The following KALRN variants were observed in gnomAD, a reference collection of about 807,000 sequenced individuals.
The protein encoded by KALRN is kalirin RhoGEF kinase.
In KALRN, 70 loss-of-function variants were observed where a neutral mutation model predicts 353.7. That is an observed-to-expected ratio of 0.20 (90% CI 0.16 to 0.24). KALRN has a LOEUF of 0.24. Ranked by LOEUF, KALRN falls within the 10% of genes least tolerant of loss-of-function variation. KALRN has a pLI of 1.00. For missense variants in KALRN, 2,791 were observed against 3,756.7 expected (o/e 0.74, Z 6.72); for synonymous variants, 1,391 against 1,434.8 (o/e 0.97, Z 0.69).
chr3:124,484,721 G>A (rs2062365645), intron 28 of KALRN, among the ~76,000 whole-genome samples: 1 of 152,210 alleles, frequency 6.6e-6, no homozygotes, highest in South Asian at 2.1e-4. Context: ...ATTGAATTTT[G>A]TGGTTGCTTA....
chr3:124,562,928 C>G lies in KALRN; in HGVS notation c.5021C>G (p.Thr1674Arg), dbSNP rs375684753. 2 of 1,367,902 alleles carry G rather than the reference C, an allele frequency of 1.5e-6. No individual in the cohort carries two copies. Among genetic ancestry groups the G allele is most frequent in the Non-Finnish European group, 2.0e-6 (2 of 1,022,008 alleles). 84.7% of individuals were successfully genotyped at this position (1,367,902 alleles called of 1,614,324 possible). The part of the protein sequence containing the change: ...SSELTIQVGQ[T>R]VELLERPSER... ...GAGCTGACCATCCAGGTGGGGCAGA[C>G]GGTAGAGCTGCTGGAGCGGCCCAGC... is the stretch of plus-strand genomic sequence containing the variant. Residue 1674 changes from threonine (T) to arginine (R), a missense_variant, in exon 34 of 60, where the codon ACG becomes AGG. Transcript: ENST00000682506.
At chr3:124,611,262 T>A (rs772474519) in intron 34 of KALRN, among the ~76,000 whole-genome samples, 13 of 152,260 alleles carry the variant, frequency 8.5e-5, no homozygotes, top group Non-Finnish European at 1.6e-4. Context: ...ACATCAGAGA[T>A]GGGAGCATTT....
At chr3:124,063,964 A>G (rs766510626) in intron 1 of KALRN, among the ~76,000 whole-genome samples, 3 of 152,214 alleles carry the variant, frequency 2.0e-5, no homozygotes, top group Non-Finnish European at 1.5e-5. Flanking sequence ...TGTTTTAAGT[A>G]AACAAATACA....
intron 1 of KALRN, among the ~76,000 whole-genome samples, chr3:124,217,583 A>G (rs762156416): frequency 6.6e-6 from 1 of 152,086 alleles, no homozygotes; most frequent in Non-Finnish European, 1.5e-5. Context: ...TATCCCTCCA[A>G]TGCTTCTTCA....
At chr3:124,482,746 A>C in intron 27 of KALRN, 62 bp from the exon 28 acceptor site, 3 of 1,095,468 alleles carry the variant, frequency 2.7e-6, no homozygotes, top group Non-Finnish European at 4.2e-6. Flanking sequence ...TTCTCCTCTC[A>C]GAGTTCACAC....
At chr3:124,363,543 G>T (rs1047028122) in intron 10 of KALRN, among the ~76,000 whole-genome samples, 2 of 152,228 alleles carry the variant, frequency 1.3e-5, no homozygotes, top group African/African-American at 2.4e-5. Flanking sequence ...CAGAGCAAAT[G>T]TAAATTGCCA....
At chr3:124,113,378 AGTG>A (rs1268901540) in intron 1 of KALRN, among the ~76,000 whole-genome samples, 2 of 152,166 alleles carry the variant, frequency 1.3e-5, no homozygotes, top group Admixed American at 1.3e-4. Context: ...GGGATGGTGG[AGTG>A]GTTATAAGGT....
chr3:124,701,952 G>T (rs1420555896), intron 56 of KALRN, 86 bp from the exon 57 acceptor site: 10 of 982,658 alleles, frequency 1.0e-5, no homozygotes, highest in Non-Finnish European at 1.5e-5. Context: ...ATTGCTTTGG[G>T]GTTACTCTGG....
chr3:124,545,494 T>C (rs1373724343), intron 33 of KALRN, among the ~76,000 whole-genome samples: 2 of 152,234 alleles, frequency 1.3e-5, no homozygotes, highest in African/African-American at 4.8e-5. Context: ...ATCCATTTCA[T>C]TGCTGCTGGC....
At chr3:124,153,962 GTTGT>G (rs1338037896) in intron 1 of KALRN, among the ~76,000 whole-genome samples, 1 of 152,070 alleles carries the variant, frequency 6.6e-6, no homozygotes, top group African/African-American at 2.4e-5. Flanking sequence ...TTTTGATGGG[GTTGT>G]TTGTTTTTTT....
intron 57 of KALRN, among the ~76,000 whole-genome samples, chr3:124,709,948 G>T (rs1453416264): frequency 6.6e-6 from 1 of 152,160 alleles, no homozygotes; most frequent in Non-Finnish European, 1.5e-5. Flanking sequence ...GGTCATGAAG[G>T]ATTAGGAATC....
chr3:124,207,953 C>A (rs2076556511), intron 1 of KALRN, among the ~76,000 whole-genome samples: 1 of 152,168 alleles, frequency 6.6e-6, no homozygotes, highest in Non-Finnish European at 1.5e-5. Flanking sequence ...ACCAGTGGGG[C>A]AGGGGTAACT....
intron 1 of KALRN, among the ~76,000 whole-genome samples, chr3:124,212,845 A>C (rs955266058): frequency 6.6e-6 from 1 of 151,920 alleles, no homozygotes; most frequent in African/African-American, 2.4e-5. Flanking sequence ...TTTAGTTTGC[A>C]TTTTCTTTAT....
chr3:124,635,021 G>A (rs13076802), intron 36 of KALRN, among the ~76,000 whole-genome samples: 16,995 of 152,140 alleles, frequency 0.11, 1,033 homozygotes, highest in African/African-American at 0.13. Flanking sequence ...GTGCTAGGCC[G>A]GAAGGACAAA....
At chr3:124,492,461 A>T (rs2063270671) in intron 31 of KALRN, among the ~76,000 whole-genome samples, 1 of 152,196 alleles carries the variant, frequency 6.6e-6, no homozygotes, top group African/African-American at 2.4e-5. Flanking sequence ...TCCAGGGCAG[A>T]TATCAGGATT....
chr3:124,519,444 A>C (rs750834995), intron 33 of KALRN: 16 of 985,272 alleles, frequency 1.6e-5, no homozygotes, highest in Non-Finnish European at 1.8e-5. Context: ...ATTCCATTTC[A>C]TATATACACT....
At chr3:124,113,087 C>T (rs1278779266) in intron 1 of KALRN, among the ~76,000 whole-genome samples, 1 of 152,102 alleles carries the variant, frequency 6.6e-6, no homozygotes, top group Non-Finnish European at 1.5e-5. Flanking sequence ...GATTGGCTTG[C>T]TTTTCAGGCA....
At chr3:124,393,248 G>C (rs4532071) in intron 11 of KALRN, among the ~76,000 whole-genome samples, 140,750 of 152,196 alleles carry the variant, frequency 0.92, 65,915 homozygotes, top group South Asian at 1. Flanking sequence ...TTGCAGGTGT[G>C]AACCACTGTG....
At chr3:124,498,399 GTGTC>G (rs2064121483) in intron 33 of KALRN, among the ~76,000 whole-genome samples, 1 of 152,162 alleles carries the variant, frequency 6.6e-6, no homozygotes. Context: ...GGCAAGAGCT[GTGTC>G]TGTCTGTTTC....
Sources: gnomAD v4.1 joint callset for allele counts (sites outside exome capture counted in the v4.1 genomes callset) on GRCh38, gnomAD v4.1.1 for gene constraint, MANE v1.5 for transcripts, NCBI Gene and HGNC (gene_info 2026-07-23, HGNC 2026-07-21) for gene names.